KLF9: variants seen among roughly 807,000 people sequenced by gnomAD.
KLF9 encodes the protein KLF transcription factor 9.
In KLF9, 2 loss-of-function variants were observed where a neutral mutation model predicts 17.3. The observed-to-expected ratio is 0.12, with a 90% CI of 0.05 to 0.36. The LOEUF (loss-of-function observed/expected upper bound fraction) is 0.36, where lower values mean the gene tolerates loss of function less well. Ranked by LOEUF, KLF9 falls within the 10% of genes least tolerant of loss-of-function variation. The pLI is 1.00. For missense variants in KLF9, 226 were observed against 333.2 expected, an observed-to-expected ratio of 0.68 and a Z score of 2.51; for synonymous variants, 138 against 139.2, an observed-to-expected ratio of 0.99 and a Z score of 0.06.
rs1488103255 is a variant in KLF9, at chr9:70,387,567, G to A, written c.*209C>T. The stretch of plus-strand genomic sequence containing the variant: ...GTTCAGAGAGTTGCCTCTTCAAGGG[G>A]ACCGAGTGTTGTTGACTTTGATCTT... On this transcript the variant is annotated 3_prime_UTR_variant, in exon 2 of 2. Transcript: ENST00000377126. The A allele has an allele frequency of 2.6e-5, 15 of 575,174 alleles. No homozygotes were observed. The highest frequency in any genetic ancestry group is 4.4e-5 in the Non-Finnish European group (14 of 321,028). The allele number at this position is 575,174 out of a possible 1,614,324, so 35.6% of individuals were successfully genotyped here. A position where few individuals can be genotyped will look rare whatever the true frequency, so the allele number is the denominator to read the frequency against.
intron 1 of KLF9, among the ~76,000 whole-genome samples, chr9:70,409,203 T>C (rs1194727264): frequency 1.1e-5 from 1 of 90,212 alleles, no homozygotes; most frequent in East Asian, 2.4e-4. Flanking sequence ...TGTATATGTA[T>C]ATATATATAC....
rs1470392301 is a variant in KLF9, at chr9:70,387,890, C to G, written c.621G>C (p.Leu207=). The change falls in exon 2 of 2, where the codon CTG becomes CTC. Residue 207 remains leucine, a synonymous_variant. Coordinates refer to ENST00000377126, the MANE Select transcript of KLF9 (RefSeq NM_001206.4). ...CACTCCTCATGAAGCGCTTCTCACA[C>G]AGCGGACAGCGGAACTGCTTTTCCC... ...HTGEKQFRCP[L]CEKRFMRSDH... The G allele has an allele frequency of 6.2e-7, 1 of 1,614,178 alleles. No individual in the cohort carries two copies. The highest frequency in any genetic ancestry group is 8.5e-7 in the Non-Finnish European group (1 of 1,180,040).
At position 70,414,081 on chromosome 9, in the gene KLF9, G is replaced by C. The variant is rs2037355665; in HGVS notation, c.-718C>G. The C allele has an allele frequency of 6.6e-6, 1 of 152,410 alleles. No homozygotes were observed. The highest frequency in any genetic ancestry group is 1.5e-5 in the Non-Finnish European group (1 of 68,132). 9.4% of individuals were successfully genotyped at this position (152,410 alleles called of 1,614,324 possible). A position where few individuals can be genotyped will look rare whatever the true frequency, so the allele number is the denominator to read the frequency against. ...AGAACGGCCTTCGGTGGAGAGGTGCGTCTAGAACTGAGGCGTGCGGCCAAT... is the reference window on the plus strand; with the variant it reads ...AGAACGGCCTTCGGTGGAGAGGTGCCTCTAGAACTGAGGCGTGCGGCCAAT... On this transcript the variant is annotated 5_prime_UTR_variant, in exon 1 of 2. Transcript: ENST00000377126.
In KLF9 at chr9:70,389,677, T is replaced by C. The variant is rs149017142; in HGVS notation, c.506-1672A>G. Among the ~76,000 whole-genome samples, 257 of 151,744 alleles carry C rather than the reference T, an allele frequency of 1.7e-3. 2 individuals are homozygous for C. Among genetic ancestry groups the C allele is most frequent in the African/African-American group, 3.6e-3 (147 of 41,334 alleles). ...CCCCACAAGATGAAGGCAGGGGAGG[T>C]GAAGGCCATGTCTGTGTTTGGGGAG... On this transcript the variant is annotated intron_variant, in intron 1 of 1. Transcript: ENST00000377126.
At chr9:70,393,247 C>A (rs1284557725) in intron 1 of KLF9, among the ~76,000 whole-genome samples, 1 of 152,236 alleles carries the variant, frequency 6.6e-6, no homozygotes, top group African/African-American at 2.4e-5. Flanking sequence ...TGGCTATGTG[C>A]TTGCCTACTT....
At chr9:70,396,228 A>G (rs2037181136) in intron 1 of KLF9, among the ~76,000 whole-genome samples, 1 of 152,176 alleles carries the variant, frequency 6.6e-6, no homozygotes, top group Non-Finnish European at 1.5e-5. Flanking sequence ...AATTAATTTG[A>G]TAATAATTAG....
intron 1 of KLF9, among the ~76,000 whole-genome samples, chr9:70,410,130 G>A (rs536649411): frequency 3.4e-4 from 52 of 152,304 alleles, no homozygotes; most frequent in African/African-American, 1.1e-3. Flanking sequence ...ATTAAAATAC[G>A]AGGTACTGCC....
intron 1 of KLF9, among the ~76,000 whole-genome samples, chr9:70,389,590 C>T (rs2037139777): frequency 6.6e-6 from 1 of 152,212 alleles, no homozygotes; most frequent in African/African-American, 2.4e-5. Context: ...ACTGAAAATG[C>T]AGCTAAGTCC....
chr9:70,414,292 A>C lies in KLF9; in HGVS notation c.-929T>G, dbSNP rs1460521123. 3.3e-5 allele frequency: 5 copies of C among 152,136 alleles called. No individual in the cohort carries two copies. Among genetic ancestry groups the C allele is most frequent in the Admixed American group, 3.3e-4 (5 of 15,284 alleles). 9.4% of individuals were successfully genotyped at this position (152,136 alleles called of 1,614,324 possible). ...CGGAGCTTTGGGACACATCTTTCCT[A>C]GTCAGTTGCGCTCGTTCCTATGGCA... is the stretch of plus-strand genomic sequence containing the variant. On this transcript the variant is annotated 5_prime_UTR_variant, in exon 1 of 2. Transcript: ENST00000377126.
At chr9:70,395,939 T>C (rs967782586) in intron 1 of KLF9, among the ~76,000 whole-genome samples, 2 of 151,754 alleles carry the variant, frequency 1.3e-5, no homozygotes, top group Admixed American at 6.6e-5. Flanking sequence ...TGCCTCAAAA[T>C]AAATAAATAA....
intron 1 of KLF9, among the ~76,000 whole-genome samples, chr9:70,409,063 T>C (rs2037281313): frequency 9.5e-6 from 1 of 105,744 alleles, no homozygotes; most frequent in South Asian, 3.0e-4. Context: ...TATATGTGTA[T>C]ATATATGTGT....
intron 1 of KLF9, among the ~76,000 whole-genome samples, chr9:70,411,968 C>G (rs1298623875): frequency 6.6e-6 from 1 of 152,110 alleles, no homozygotes; most frequent in Non-Finnish European, 1.5e-5. Context: ...TGACCCAGGT[C>G]CCTGGAAGTC....
At chr9:70,403,039 A>C (rs991583446) in intron 1 of KLF9, among the ~76,000 whole-genome samples, 7 of 152,128 alleles carry the variant, frequency 4.6e-5, no homozygotes, top group African/African-American at 1.7e-4. Context: ...AATCCCAGCT[A>C]TTCGGGAGGC....
At chr9:70,411,151 C>T (rs1477998401) in intron 1 of KLF9, among the ~76,000 whole-genome samples, 1 of 152,204 alleles carries the variant, frequency 6.6e-6, no homozygotes, top group Non-Finnish European at 1.5e-5. Flanking sequence ...AGCCGAATGG[C>T]CCAGAACGCT....
In KLF9 at chr9:70,397,867, G is replaced by A. The variant is rs555458471; in HGVS notation, c.506-9862C>T. On this transcript the variant is annotated intron_variant, in intron 1 of 1. Transcript: ENST00000377126. ...AAAAGCAATGTCAACATGCAGGTAC[G>A]AAACATGAACAGTTGCTTTTTTCCC... Among the ~76,000 whole-genome samples the A allele has an allele frequency of 3.4e-4, 52 of 152,264 alleles. 1 individual carries two copies. The highest frequency in any genetic ancestry group is 1.3e-3 in the African/African-American group (52 of 41,556).
At chr9:70,412,628 G>A (rs924127857) in intron 1 of KLF9, among the ~76,000 whole-genome samples, 56 of 152,218 alleles carry the variant, frequency 3.7e-4, no homozygotes, top group Admixed American at 6.5e-4. Context: ...CACCGCACTC[G>A]CTCTGCCCGC....
chr9:70,395,789 C>T (rs2037178833), intron 1 of KLF9, among the ~76,000 whole-genome samples: 1 of 151,958 alleles, frequency 6.6e-6, no homozygotes. Context: ...ACTAAAAATG[C>T]AAATATTATC....
At chr9:70,408,517 G>A (rs1015818315) in intron 1 of KLF9, among the ~76,000 whole-genome samples, 1 of 152,152 alleles carries the variant, frequency 6.6e-6, no homozygotes, top group Non-Finnish European at 1.5e-5. Context: ...AGAGATGGTG[G>A]TAAGGGCTGG....
intron 1 of KLF9, among the ~76,000 whole-genome samples, chr9:70,394,205 A>G (rs1044631842): frequency 6.6e-6 from 1 of 151,910 alleles, no homozygotes; most frequent in Non-Finnish European, 1.5e-5. Flanking sequence ...GCAACACAGT[A>G]ACACCCCAAC....
Sources: allele counts gnomAD v4.1 joint callset (sites outside exome capture counted in the v4.1 genomes callset), GRCh38; gene constraint gnomAD v4.1.1; transcripts MANE v1.5; gene names NCBI Gene and HGNC (gene_info 2026-07-23, HGNC 2026-07-21).